POC1B: variants seen among roughly 807,000 people sequenced by gnomAD.
POC1B encodes the protein POC1 centriolar protein B.
In POC1B, 44 loss-of-function variants were observed where a neutral mutation model predicts 60.6. That is an observed-to-expected ratio of 0.73 (90% CI 0.57 to 0.93). POC1B has a LOEUF of 0.93. POC1B is among the 40% of genes least tolerant of loss of function. POC1B has a pLI of 0.00. For synonymous variants in POC1B, 180 were observed against 198.9 expected, an observed-to-expected ratio of 0.90 and a Z score of 0.80; for missense variants, 555 against 572.3, an observed-to-expected ratio of 0.97 and a Z score of 0.31.
intron 8 of POC1B, 28 bp downstream of exon 8, chr12:89,467,589 T>C: frequency 1.3e-6 from 2 of 1,577,812 alleles, no homozygotes; most frequent in Non-Finnish European, 1.7e-6. Context: ...CTTAACCAAA[T>C]CAAAGAGGAG....
chr12:89,411,391 C>T, the POC1B span, among the ~76,000 whole-genome samples: 2 of 152,198 alleles, frequency 1.3e-5, no homozygotes, highest in South Asian at 4.1e-4. Context: ...TTTATATGCA[C>T]ATTATAATTA....
intron 10 of POC1B, among the ~76,000 whole-genome samples, chr12:89,433,185 T>A (rs1226237621): frequency 6.6e-6 from 1 of 152,134 alleles, no homozygotes; most frequent in Non-Finnish European, 1.5e-5. Flanking sequence ...AGAAGACTTT[T>A]GCTATAAATG....
intron 2 of POC1B, among the ~76,000 whole-genome samples, chr12:89,498,957 G>A (rs772959607): frequency 2.0e-5 from 3 of 152,198 alleles, no homozygotes; most frequent in Non-Finnish European, 4.4e-5. Flanking sequence ...TGGGGTGATT[G>A]GGTGGTCCAC....
At chr12:89,445,520 T>C (rs900774534) in intron 10 of POC1B, among the ~76,000 whole-genome samples, 2 of 152,176 alleles carry the variant, frequency 1.3e-5, no homozygotes, top group African/African-American at 4.8e-5. Context: ...GATTCCCTAT[T>C]TAATAAATGG....
At chr12:89,488,761 A>G (rs1437968735) in intron 4 of POC1B, among the ~76,000 whole-genome samples, 1 of 152,178 alleles carries the variant, frequency 6.6e-6, no homozygotes, top group Admixed American at 6.5e-5. Flanking sequence ...TGCTGGGATT[A>G]CGGGCATGAG....
At chr12:89,436,250 C>T (rs982198362) in intron 10 of POC1B, among the ~76,000 whole-genome samples, 5 of 151,766 alleles carry the variant, frequency 3.3e-5, no homozygotes, top group African/African-American at 7.3e-5. Context: ...CGTGCACGAC[C>T]GCAGGAAGTT....
intron 2 of POC1B, chr12:89,522,788 C>T (rs368332615): frequency 9.2e-5 from 142 of 1,539,882 alleles, no homozygotes; most frequent in Non-Finnish European, 1.0e-4. Context: ...CTACTGTCAG[C>T]TCATGACGAA....
At chr12:89,458,009 T>C (rs896925790) in intron 10 of POC1B, among the ~76,000 whole-genome samples, 16 of 152,164 alleles carry the variant, frequency 1.1e-4, no homozygotes, top group Admixed American at 2.6e-4. Context: ...CCCACCTCAA[T>C]AGCACTGTCT....
At chr12:89,426,653 G>C (rs2120658048) in intron 10 of POC1B, 1 of 151,794 alleles carries the variant, frequency 6.6e-6, no homozygotes, top group South Asian at 2.1e-4. Flanking sequence ...CATGGTGAAA[G>C]TCTCTACTAA....
intron 7 of POC1B, among the ~76,000 whole-genome samples, chr12:89,468,936 T>G (rs2120839049): frequency 6.6e-6 from 1 of 152,250 alleles, no homozygotes; most frequent in Admixed American, 6.5e-5. Context: ...AGTTTGAATA[T>G]TGTCTGGAAG....
chr12:89,429,481 T>C (rs947269340), intron 10 of POC1B: 3 of 152,246 alleles, frequency 2.0e-5, no homozygotes, highest in Non-Finnish European at 2.9e-5. Flanking sequence ...TCCTGGCTGA[T>C]AGAAGTCCAG....
intron 10 of POC1B, among the ~76,000 whole-genome samples, chr12:89,449,713 G>A (rs1482284449): frequency 6.6e-6 from 1 of 151,906 alleles, no homozygotes; most frequent in Non-Finnish European, 1.5e-5. Context: ...GGAAAGTTTT[G>A]AAGGAAAAAA....
In POC1B at chr12:89,526,026, C is replaced by G. The variant is rs1871470367; in HGVS notation, c.-131G>C. On this transcript the variant is annotated 5_prime_UTR_variant, in exon 1 of 12. Coordinates refer to ENST00000313546, the MANE Select transcript of POC1B (RefSeq NM_172240.3). ...CCAGAGCGGCAGCGCCTCCCGGTCACTACAACAACGGCGGCCCAGTCAAAC... is the reference window on the plus strand; with the variant it reads ...CCAGAGCGGCAGCGCCTCCCGGTCAGTACAACAACGGCGGCCCAGTCAAAC... The G allele has an allele frequency of 5.2e-6, 8 of 1,536,834 alleles. No individual in the cohort carries two copies. In the East Asian group the frequency reaches 1.7e-4, roughly 33 times the overall value.
In POC1B at chr12:89,433,913, C is replaced by T. The variant is rs75362121; in HGVS notation, c.1114-8534G>A. ...ACAGAAAAAGGAACTGCAGACTCAC[C>T]CAGATGGGGCTGTCACAGGACCACA... On this transcript the variant is annotated intron_variant, in intron 10 of 11. Coordinates refer to ENST00000313546, the MANE Select transcript of POC1B (RefSeq NM_172240.3). Among the ~76,000 whole-genome samples, 1,026 of 152,288 alleles carry T rather than the reference C, an allele frequency of 6.7e-3. 12 individuals carry two copies. Among genetic ancestry groups the T allele is most frequent in the African/African-American group, 0.024 (993 of 41,542 alleles).
At chr12:89,467,803 T>C (rs1882740840) in intron 7 of POC1B, 118 bp from the exon 8 acceptor site, 1 of 618,904 alleles carries the variant, frequency 1.6e-6, no homozygotes, top group Non-Finnish European at 2.7e-6. Flanking sequence ...GCAATAAGTC[T>C]AATAAAACAC....
At chr12:89,434,255 T>C (rs1881157988) in intron 10 of POC1B, among the ~76,000 whole-genome samples, 1 of 152,202 alleles carries the variant, frequency 6.6e-6, no homozygotes, top group Admixed American at 6.5e-5. Context: ...CTTTTTCTTC[T>C]TGAGAGCAAA....
chr12:89,491,202 C>T (rs531017793), intron 4 of POC1B, among the ~76,000 whole-genome samples: 1 of 152,270 alleles, frequency 6.6e-6, no homozygotes, highest in African/African-American at 2.4e-5. Flanking sequence ...CTTCTCCTAT[C>T]CAGAACATTC....
At chr12:89,419,154 TG>T (rs1880426445), downstream of POC1B, among the ~76,000 whole-genome samples, 1 of 151,912 alleles carries the variant, frequency 6.6e-6, no homozygotes, top group African/African-American at 2.4e-5. Flanking sequence ...TGATGCTGGC[TG>T]GGGTGCAGAG....
At chr12:89,488,876 G>A (rs1868790771) in intron 4 of POC1B, among the ~76,000 whole-genome samples, 1 of 152,126 alleles carries the variant, frequency 6.6e-6, no homozygotes, top group South Asian at 2.1e-4. Context: ...TTATTGTGCA[G>A]CTCCCTGTGA....
Sources: gnomAD v4.1 joint callset for allele counts (sites outside exome capture counted in the v4.1 genomes callset) on GRCh38, gnomAD v4.1.1 for gene constraint, MANE v1.5 for transcripts, NCBI Gene and HGNC (gene_info 2026-07-23, HGNC 2026-07-21) for gene names.